PTPRM: variants seen among roughly 807,000 people sequenced by gnomAD.
PTPRM encodes the protein protein tyrosine phosphatase receptor type M.
PTPRM carries 47 observed loss-of-function variants against 186.7 expected under a neutral mutation model. That is an observed-to-expected ratio of 0.25 (90% CI 0.20 to 0.32). The LOEUF is 0.32. PTPRM is among the 10% of genes least tolerant of loss of function. The pLI, the probability that PTPRM is intolerant of heterozygous loss-of-function variation, is 1.00. For missense variants in PTPRM, 1,494 were observed against 1,865.0 expected (o/e 0.80, Z 3.66); for synonymous variants, 668 against 674.9 (o/e 0.99, Z 0.16).
At chr18:8,243,209 C>T (rs7504663) in intron 14 of PTPRM, among the ~76,000 whole-genome samples, 58,256 of 151,998 alleles carry the variant, frequency 0.38, 12,060 homozygotes, top group Middle Eastern at 0.54. Context: ...TGATGGTCAG[C>T]GAGCAGGATG....
At chr18:7,818,963 C>A (rs2045011607) in intron 2 of PTPRM, among the ~76,000 whole-genome samples, 1 of 152,130 alleles carries the variant, frequency 6.6e-6, no homozygotes, top group Non-Finnish European at 1.5e-5. Flanking sequence ...AAGTGTAATT[C>A]TTTTTAAGGT....
chr18:7,877,676 C>A (rs1487423768), intron 2 of PTPRM, among the ~76,000 whole-genome samples: 1 of 152,194 alleles, frequency 6.6e-6, no homozygotes, highest in Admixed American at 6.5e-5. Context: ...GTGACTGAGT[C>A]AAGATCCTAA....
intron 7 of PTPRM, among the ~76,000 whole-genome samples, chr18:8,022,482 T>C (rs1234376624): frequency 6.6e-6 from 1 of 152,208 alleles, no homozygotes; most frequent in Non-Finnish European, 1.5e-5. Context: ...ATAATCCTTA[T>C]CATTTCATAG....
intron 14 of PTPRM, among the ~76,000 whole-genome samples, chr18:8,207,166 C>A (rs1481176317): frequency 1.3e-5 from 2 of 152,016 alleles, no homozygotes; most frequent in Non-Finnish European, 2.9e-5. Flanking sequence ...GTGGGACAGC[C>A]GAGGTCATGG....
chr18:7,669,944 A>G (rs576745615), intron 1 of PTPRM, among the ~76,000 whole-genome samples: 6 of 152,118 alleles, frequency 3.9e-5, no homozygotes, highest in Admixed American at 6.5e-5. Flanking sequence ...GGGTTTCACA[A>G]TATTGGCCAG....
intron 22 of PTPRM, among the ~76,000 whole-genome samples, chr18:8,338,444 G>A (rs961565146): frequency 2.0e-5 from 3 of 151,604 alleles, no homozygotes; most frequent in Non-Finnish European, 2.9e-5. Flanking sequence ...TCTTCTTGCC[G>A]GGATTGTGAG....
chr18:7,786,446 TGTATCTTTCCTTGAAAGAG>T, intron 2 of PTPRM, among the ~76,000 whole-genome samples: 1 of 152,232 alleles, frequency 6.6e-6, no homozygotes. Flanking sequence ...TTCCTTGCTT[TGTATCTTTCCTTGAAAGAG>T]GTATCTTTTA....
At chr18:8,050,382 A>G (rs918367894) in intron 7 of PTPRM, among the ~76,000 whole-genome samples, 3 of 152,188 alleles carry the variant, frequency 2.0e-5, no homozygotes, top group African/African-American at 7.2e-5. Flanking sequence ...GGGACAGATA[A>G]GTTAGCGGGG....
intron 14 of PTPRM, among the ~76,000 whole-genome samples, chr18:8,159,839 G>A (rs535768116): frequency 1.1e-4 from 17 of 152,044 alleles, no homozygotes; most frequent in Non-Finnish European, 2.1e-4. Context: ...TGCAGCACTG[G>A]ACTTTGAACA....
chr18:8,360,442 C>A (rs1487036135), intron 23 of PTPRM, among the ~76,000 whole-genome samples: 1 of 152,130 alleles, frequency 6.6e-6, no homozygotes, highest in East Asian at 1.9e-4. Context: ...GTGTCAGTTG[C>A]TTCCCTATGC....
At chr18:8,001,938 A>G (rs541972401) in intron 7 of PTPRM, among the ~76,000 whole-genome samples, 1 of 152,300 alleles carries the variant, frequency 6.6e-6, no homozygotes, top group South Asian at 2.1e-4. Context: ...GTCATAATTG[A>G]TGTTTCCTTT....
At chr18:7,957,772 T>C (rs184258650) in intron 7 of PTPRM, among the ~76,000 whole-genome samples, 1 of 152,310 alleles carries the variant, frequency 6.6e-6, no homozygotes, top group East Asian at 1.9e-4. Context: ...CTGATTATGA[T>C]CAGTGTGGAA....
At chr18:7,793,631 A>G (rs2043453968) in intron 2 of PTPRM, among the ~76,000 whole-genome samples, 1 of 152,102 alleles carries the variant, frequency 6.6e-6, no homozygotes. Context: ...TCCTTATTCA[A>G]CAGTGGCTCA....
Position 7,800,755 on chromosome 18 carries a change from A to T in PTPRM, c.196+26484A>T, listed in dbSNP as rs536188121. ...TGCAAAGATGATAAAGTGTACTTACACAAACCTAGATAGTAGAGCCTATAA... is the reference window on the plus strand; with the variant it reads ...TGCAAAGATGATAAAGTGTACTTACTCAAACCTAGATAGTAGAGCCTATAA... On this transcript the variant is annotated intron_variant, in intron 2 of 32. Transcript: ENST00000580170. 2.4e-4 allele frequency among the ~76,000 whole-genome samples: 36 copies of T among 152,342 alleles called. No individual in the cohort carries two copies. The South Asian group carries it at 7.0e-3, about 30-fold the overall frequency.
chr18:7,818,961 T>C (rs1433003163), intron 2 of PTPRM, among the ~76,000 whole-genome samples: 3 of 152,172 alleles, frequency 2.0e-5, no homozygotes, highest in African/African-American at 7.2e-5. Context: ...AAAAGTGTAA[T>C]TCTTTTTAAG....
chr18:8,066,799 G>T (rs1214329111), intron 7 of PTPRM, among the ~76,000 whole-genome samples: 1 of 152,102 alleles, frequency 6.6e-6, no homozygotes, highest in Non-Finnish European at 1.5e-5. Context: ...ATGACAATAG[G>T]CAATTTAGAG....
At chr18:8,019,813 ATAT>A (rs889754670) in intron 7 of PTPRM, among the ~76,000 whole-genome samples, 20 of 147,738 alleles carry the variant, frequency 1.4e-4, no homozygotes, top group African/African-American at 4.6e-4. Context: ...AATATAAATA[ATAT>A]TTATTTATAA....
intron 2 of PTPRM, among the ~76,000 whole-genome samples, chr18:7,797,663 A>G (rs1458874034): frequency 1.3e-5 from 2 of 151,834 alleles, no homozygotes; most frequent in Non-Finnish European, 2.9e-5. Context: ...TCTGGCCTTC[A>G]AATGTGGGAA....
At chr18:7,919,357 T>C (rs2050736053) in intron 4 of PTPRM, among the ~76,000 whole-genome samples, 1 of 152,154 alleles carries the variant, frequency 6.6e-6, no homozygotes, top group Non-Finnish European at 1.5e-5. Flanking sequence ...TTGATAGGGA[T>C]TCCATTGAAT....
Sources: allele counts gnomAD v4.1 joint callset (sites outside exome capture counted in the v4.1 genomes callset), GRCh38; gene constraint gnomAD v4.1.1; transcripts MANE v1.5; gene names NCBI Gene and HGNC (gene_info 2026-07-23, HGNC 2026-07-21).